KLHL25: variants seen among roughly 807,000 people sequenced by gnomAD.
The protein encoded by KLHL25 is kelch like family member 25, also known as kelch-like protein 25.
Under a neutral mutation model 30.0 loss-of-function variants are expected in KLHL25, and 41 were observed. The observed-to-expected ratio is 1.37, with a 90% confidence interval of 1.07 to 1.78. The LOEUF is 1.78. Ranked by LOEUF, KLHL25 falls within the 40% of genes most tolerant of loss-of-function variation. KLHL25 has a pLI of 0.00. For missense variants in KLHL25, 971 were observed against 824.5 expected, an observed-to-expected ratio of 1.18 and a Z score of -2.18; for synonymous variants, 399 against 355.3, an observed-to-expected ratio of 1.12 and a Z score of -1.38.
In KLHL25 at chr15:85,769,820, G is replaced by A; in HGVS notation, c.-10C>T. ...GGACACTGACCGACATGGTGCGTCA[G>A]CTTGTGGGGGAACAAGCCCACAGGT... On this transcript the variant is annotated splice_region_variant and 5_prime_UTR_variant, in exon 2 of 3. Coordinates refer to ENST00000337975, the MANE Select transcript of KLHL25 (RefSeq NM_022480.4). 1 of 1,596,998 alleles carries A rather than the reference G, an allele frequency of 6.3e-7. No homozygotes were observed. Among genetic ancestry groups the A allele is most frequent in the Non-Finnish European group, 8.5e-7 (1 of 1,173,344 alleles).
chr15:85,768,593 C>G lies in KLHL25; in HGVS notation c.1218G>C (p.Ser406=), dbSNP rs1368368713. The G allele has an allele frequency of 6.2e-7, 1 of 1,610,746 alleles. No homozygotes were observed. Among genetic ancestry groups the G allele is most frequent in the South Asian group, 1.1e-5 (1 of 90,980 alleles). The part of the protein sequence containing the change: ...HTSLAGVFPA[S]PSVSLKQVEK... ...CCACTTGTTTCAGGGAGACAGAAGG[C>G]GAGGCCGGGAAGACCCCTGCCAGGG... The change falls in exon 2 of 3, where the codon TCG becomes TCC. Residue 406 remains serine, a synonymous_variant. Coordinates refer to ENST00000337975, the MANE Select transcript of KLHL25 (RefSeq NM_022480.4).
chr15:85,766,438 C>G (rs988834732), intron 2 of KLHL25, among the ~76,000 whole-genome samples: 1 of 152,222 alleles, frequency 6.6e-6, no homozygotes, highest in African/African-American at 2.4e-5. Context: ...AAGCCCTTCT[C>G]TGGCATCTAC....
chr15:85,788,656 G>A (rs2089797083), intron 1 of KLHL25, among the ~76,000 whole-genome samples: 1 of 152,292 alleles, frequency 6.6e-6, no homozygotes, highest in South Asian at 2.1e-4. Context: ...CCGCCTGTCT[G>A]CCTCCCACAT....
At chr15:85,765,970 C>G (rs906253228) in intron 2 of KLHL25, among the ~76,000 whole-genome samples, 11 of 152,216 alleles carry the variant, frequency 7.2e-5, no homozygotes, top group African/African-American at 2.7e-4. Context: ...TGCCTGCCAC[C>G]ATGTCCCTTT....
chr15:85,768,456 G>T lies in KLHL25; in HGVS notation c.1355C>A (p.Thr452Asn). Reference sequence around the variant, plus strand: ...GGACACCATGTCCCGGTGGATGCTGGTTCCTCCGAAAACAAAGAGCTTCAG... The same window carrying T: ...GGACACCATGTCCCGGTGGATGCTGTTTCCTCCGAAAACAAAGAGCTTCAG... ...AKLKLFVFGGTSIHRDMVSKV... is the reference protein window; with the variant it reads ...AKLKLFVFGGNSIHRDMVSKV... The change falls in exon 2 of 3, where the codon ACC becomes AAC. Residue 452 changes from threonine to asparagine, a missense_variant. By Grantham distance (65) the Thr-to-Asn change is moderately conservative. Coordinates refer to ENST00000337975, the MANE Select transcript of KLHL25 (RefSeq NM_022480.4). 1 of 1,613,478 alleles carries T rather than the reference G, an allele frequency of 6.2e-7. No individual in the cohort carries two copies. Among genetic ancestry groups the T allele is most frequent in the Non-Finnish European group, 8.5e-7 (1 of 1,179,838 alleles).
At chr15:85,775,753 G>C (rs2089705019) in intron 1 of KLHL25, among the ~76,000 whole-genome samples, 1 of 151,588 alleles carries the variant, frequency 6.6e-6, no homozygotes, top group African/African-American at 2.4e-5. Flanking sequence ...AAGCCAGGTA[G>C]GATGCACCAG....
chr15:85,768,092 G>A lies in KLHL25; in HGVS notation c.1719C>T (p.Tyr573=), dbSNP rs921188840. 6.2e-7 allele frequency: 1 copy of A among 1,614,222 alleles called. No homozygotes were observed. Among genetic ancestry groups the A allele is most frequent in the African/African-American group, 1.3e-5 (1 of 75,060 alleles). Reference sequence around the variant, plus strand: ...TGACAAAGGCCGTGGGGATAAGTGAGTAGGGCACTGTGGTGATGCAGTTCC... The same window carrying A: ...TGACAAAGGCCGTGGGGATAAGTGAATAGGGCACTGTGGTGATGCAGTTCC... ...DTWNCITTVP[Y]SLIPTAFVST... Residue 573 remains tyrosine (Y), a synonymous_variant, in exon 2 of 3, where the codon TAC becomes TAT. Transcript: ENST00000337975.
At chr15:85,781,262 T>G (rs952498317) in intron 1 of KLHL25, among the ~76,000 whole-genome samples, 11 of 152,216 alleles carry the variant, frequency 7.2e-5, no homozygotes, top group Non-Finnish European at 1.5e-4. Context: ...GTCCTGCACT[T>G]TGAATGGATT....
chr15:85,778,722 C>T (rs2089726176), intron 1 of KLHL25, among the ~76,000 whole-genome samples: 1 of 152,214 alleles, frequency 6.6e-6, no homozygotes, highest in Admixed American at 6.5e-5. Flanking sequence ...CCAAAGGGGA[C>T]AGAAGAGAGG....
intron 1 of KLHL25, among the ~76,000 whole-genome samples, chr15:85,780,357 C>T (rs565707218): frequency 7.2e-5 from 11 of 152,336 alleles, no homozygotes; most frequent in African/African-American, 2.2e-4. Flanking sequence ...AGAGGGGCAG[C>T]GAGATTGGCT....
chr15:85,777,494 G>A (rs953760318), intron 1 of KLHL25, among the ~76,000 whole-genome samples: 22 of 152,194 alleles, frequency 1.4e-4, no homozygotes, highest in Non-Finnish European at 2.9e-5. Context: ...CCTGGAAAGC[G>A]AAGGGAGGTC....
At chr15:85,761,863 C>G (rs1026170976) in intron 2 of KLHL25, 1 of 152,188 alleles carries the variant, frequency 6.6e-6, no homozygotes, top group African/African-American at 2.4e-5. Context: ...TTAAGCTGTA[C>G]GTGTTAGTTT....
At chr15:85,791,434 G>T (rs997543223) in intron 1 of KLHL25, among the ~76,000 whole-genome samples, 11 of 152,196 alleles carry the variant, frequency 7.2e-5, no homozygotes, top group Admixed American at 4.6e-4. Context: ...GGCAGAAGTT[G>T]CAGTGAACCA....
Position 85,769,674 on chromosome 15 carries a change from G to T in KLHL25, c.137C>A (p.Thr46Asn). 1 of 1,613,910 alleles carries T rather than the reference G, an allele frequency of 6.2e-7. No individual in the cohort carries two copies. The highest frequency in any genetic ancestry group is 2.2e-5 in the East Asian group (1 of 44,884). ...LNTLRKHCMF[T>N]DVTLWAGDRA... is the part of the protein sequence containing the mutation. ...GTCGCCCGCCCAGAGTGTGACGTCGGTGAACATGCAGTGCTTGCGAAGCGT... is the reference window on the plus strand; with the variant it reads ...GTCGCCCGCCCAGAGTGTGACGTCGTTGAACATGCAGTGCTTGCGAAGCGT... Residue 46 changes from threonine (T) to asparagine (N), a missense_variant, in exon 2 of 3, where the codon ACC becomes AAC. Thr to Asn is a moderately conservative substitution (Grantham distance 65). Coordinates refer to ENST00000337975, the MANE Select transcript of KLHL25 (RefSeq NM_022480.4).
intron 1 of KLHL25, among the ~76,000 whole-genome samples, chr15:85,779,114 G>A (rs558777753): frequency 8.4e-4 from 127 of 151,836 alleles, no homozygotes; most frequent in African/African-American, 3.0e-3. Context: ...CCCTCCCATG[G>A]GAGGAACTGT....
At chr15:85,780,701 G>C (rs73456398) in intron 1 of KLHL25, among the ~76,000 whole-genome samples, 2 of 152,172 alleles carry the variant, frequency 1.3e-5, no homozygotes, top group Non-Finnish European at 2.9e-5. Flanking sequence ...TGCTGAATCA[G>C]AATGAGAATG....
At chr15:85,788,111 A>T (rs1597282082) in intron 1 of KLHL25, among the ~76,000 whole-genome samples, 2 of 151,966 alleles carry the variant, frequency 1.3e-5, no homozygotes, top group South Asian at 4.2e-4. Flanking sequence ...TAAATCAGAG[A>T]AAAACAATAA....
intron 1 of KLHL25, chr15:85,770,451 G>T (rs536973943): frequency 1.9e-6 from 1 of 526,806 alleles, no homozygotes; most frequent in South Asian, 1.4e-5. Context: ...CCTGGGCCGG[G>T]CTCCAAGCGG....
At chr15:85,787,310 G>T (rs1396532543) in intron 1 of KLHL25, among the ~76,000 whole-genome samples, 1 of 152,176 alleles carries the variant, frequency 6.6e-6, no homozygotes, top group Non-Finnish European at 1.5e-5. Flanking sequence ...GCTGGGCGTG[G>T]TGGCGCTTGC....
Sources: allele counts gnomAD v4.1 joint callset (sites outside exome capture counted in the v4.1 genomes callset), GRCh38; gene constraint gnomAD v4.1.1; transcripts MANE v1.5; gene names NCBI Gene and HGNC (gene_info 2026-07-23, HGNC 2026-07-21).